ZNF81: variants seen among roughly 807,000 people sequenced by gnomAD.
ZNF81 encodes the protein zinc finger protein 81 (HFZ20).
In ZNF81, 5 loss-of-function variants were observed where a neutral mutation model predicts 32.3. The observed-to-expected ratio is 0.15, with a 90% confidence interval of 0.08 to 0.33. The LOEUF (loss-of-function observed/expected upper bound fraction) is 0.33. Ranked by LOEUF, ZNF81 falls within the 10% of genes least tolerant of loss-of-function variation. The pLI, the probability that ZNF81 is intolerant of heterozygous loss-of-function variation, is 1.00. For synonymous variants in ZNF81, 163 were observed against 166.8 expected (o/e 0.98, Z 0.17); for missense variants, 379 against 479.8 (o/e 0.79, Z 1.96).
chrX:47,853,181 CT>C (rs781961305), intron 2 of ZNF81, among the ~76,000 whole-genome samples: 2,561 of 101,355 alleles, frequency 0.025, 35 homozygotes, highest in Middle Eastern at 0.051. Flanking sequence ...TTCCATAATT[CT>C]TTTTTTTTTT....
At chrX:47,913,118 T>A (rs2058744746) in intron 4 of ZNF81, among the ~76,000 whole-genome samples, 1 of 112,449 alleles carries the variant, frequency 8.9e-6, no homozygotes, top group African/African-American at 3.2e-5. Flanking sequence ...ATGACTACAA[T>A]ATTTTTATAG....
intron 1 of ZNF81, chrX:47,841,109 A>C: frequency 1.2e-6 from 1 of 864,790 alleles, no homozygotes; most frequent in Non-Finnish European, 1.7e-6. Context: ...ATCTCCTCGA[A>C]ATGTTTCCCT....
chrX:47,878,375 A>T lies in ZNF81; in HGVS notation c.55-9624A>T, dbSNP rs781891268. On this transcript the variant is annotated intron_variant, in intron 2 of 4. Transcript: ENST00000338637. ...TGAGATGGTGCGGCGCCATGCCAGT[A>T]AGCAAGTCTTCCCATTTACTTTCAG... Among the ~76,000 whole-genome samples, 366 of 112,317 alleles carry T rather than the reference A, an allele frequency of 3.3e-3. 1 individual carries two copies. Among genetic ancestry groups the T allele is most frequent in the Non-Finnish European group, 5.2e-3 (277 of 53,227 alleles).
At chrX:47,890,877 C>G (rs1386532592) in intron 3 of ZNF81, among the ~76,000 whole-genome samples, 1 of 111,728 alleles carries the variant, frequency 9.0e-6, no homozygotes, top group Non-Finnish European at 1.9e-5. Flanking sequence ...CCACTGGACC[C>G]CTAGAAATTT....
intron 2 of ZNF81, among the ~76,000 whole-genome samples, chrX:47,874,945 C>T (rs962006714): frequency 1.8e-5 from 2 of 111,567 alleles, no homozygotes; most frequent in Non-Finnish European, 3.8e-5. Context: ...TCAGGGCACA[C>T]AAACCTCACA....
intron 4 of ZNF81, among the ~76,000 whole-genome samples, chrX:47,905,211 A>G (rs2058716450): frequency 1.1e-5 from 1 of 94,197 alleles, no homozygotes; most frequent in African/African-American, 3.8e-5. Flanking sequence ...CTTAAAGTAT[A>G]ATAATAATAA....
At chrX:47,859,912 A>C (rs781987256) in intron 2 of ZNF81, among the ~76,000 whole-genome samples, 9 of 110,992 alleles carry the variant, frequency 8.1e-5, no homozygotes, top group Non-Finnish European at 1.3e-4. Context: ...GGAGGGAGAC[A>C]CAATATATAT....
chrX:47,883,470 C>G lies in ZNF81; in HGVS notation c.55-4529C>G, dbSNP rs1440034804. Among the ~76,000 whole-genome samples the G allele has an allele frequency of 2.7e-5, 3 of 112,226 alleles. No homozygotes were observed. In the Admixed American group the frequency reaches 2.8e-4, roughly 11 times the overall value. On this transcript the variant is annotated intron_variant, in intron 2 of 4. Coordinates refer to ENST00000338637, the MANE Select transcript of ZNF81 (RefSeq NM_007137.5). Reference sequence around the variant, plus strand: ...TTTCTACTATGTCAAGAAATCCATGCTTACGTCAAGGTTGCAAAGATAACC... The same window carrying G: ...TTTCTACTATGTCAAGAAATCCATGGTTACGTCAAGGTTGCAAAGATAACC...
intron 4 of ZNF81, among the ~76,000 whole-genome samples, chrX:47,905,945 A>AAT (rs781925437): frequency 1.6e-3 from 171 of 109,932 alleles, no homozygotes; most frequent in Non-Finnish European, 2.7e-3. Flanking sequence ...TCTCTGATTA[A>AAT]ATATATATAG....
chrX:47,863,868 G>A (rs782710735), intron 2 of ZNF81, among the ~76,000 whole-genome samples: 14 of 111,781 alleles, frequency 1.3e-4, no homozygotes, highest in African/African-American at 3.6e-4. Context: ...TTCTAATTGC[G>A]TAATTCCTTG....
intron 2 of ZNF81, among the ~76,000 whole-genome samples, chrX:47,859,032 C>T (rs1556882219): frequency 9.3e-6 from 1 of 107,301 alleles, no homozygotes; most frequent in African/African-American, 3.4e-5. Flanking sequence ...GCAGAAGTTG[C>T]GGTGAGGCAA....
chrX:47,856,866 A>ACAGAGGTTGG (rs1252399255), intron 2 of ZNF81, among the ~76,000 whole-genome samples: 1 of 111,603 alleles, frequency 9.0e-6, no homozygotes, highest in African/African-American at 3.3e-5. Context: ...AACCTGGGAG[A>ACAGAGGTTGG]CAGAGGTTGG....
intron 2 of ZNF81, among the ~76,000 whole-genome samples, chrX:47,854,075 A>G (rs1556881573): frequency 8.9e-6 from 1 of 112,730 alleles, no homozygotes; most frequent in Non-Finnish European, 1.9e-5. Context: ...CTTCTGGATA[A>G]CTTGCTGCAT....
intron 4 of ZNF81, among the ~76,000 whole-genome samples, chrX:47,908,573 G>A (rs1771000833): frequency 8.9e-6 from 1 of 111,826 alleles, no homozygotes; most frequent in Non-Finnish European, 1.9e-5. Context: ...TTCACTAAAA[G>A]AAATGTACAA....
chrX:47,865,726 C>T (rs1284787966), intron 2 of ZNF81, among the ~76,000 whole-genome samples: 4 of 111,715 alleles, frequency 3.6e-5, no homozygotes, highest in South Asian at 3.8e-4. Context: ...CCAGAATGGT[C>T]TCTTTTGGGG....
At position 47,915,032 on chromosome X, in the gene ZNF81, TAGA is replaced by T. The variant is rs1556890397; in HGVS notation, c.391_393del (p.Glu131del). 1 of 1,208,518 alleles carries T rather than the reference TAGA, an allele frequency of 8.3e-7. No individual in the cohort carries two copies. Among genetic ancestry groups the T allele is most frequent in the South Asian group, 1.8e-5 (1 of 56,149 alleles). On this transcript the variant is annotated inframe_deletion, in exon 5 of 5. Coordinates refer to ENST00000338637, the MANE Select transcript of ZNF81 (RefSeq NM_007137.5). The stretch of plus-strand genomic sequence containing the variant: ...AGAGATGATTCATTATACTCTATTT[TAGA>T]AGAATTGTGGCAAGATGCTGAACAG...
In ZNF81 at chrX:47,915,474, T is replaced by G. The variant is rs202107980; in HGVS notation, c.828T>G (p.Cys276Trp). ...CCATTGGAGAGAAAGCAAACACATG[T>G]ACTGAATTTGGGAAGATCTTCACCC... ...KFPIGEKANT[C>W]TEFGKIFTQR... Residue 276 changes from cysteine to tryptophan, a missense_variant, in exon 5 of 5, where the codon TGT (cysteine) becomes TGG (tryptophan). Coordinates refer to ENST00000338637, the MANE Select transcript of ZNF81 (RefSeq NM_007137.5). 3.0e-4 allele frequency: 366 copies of G among 1,209,954 alleles called. 2 individuals are homozygous for G. Among genetic ancestry groups the G allele is most frequent in the Middle Eastern group, 6.9e-4 (3 of 4,354 alleles).
In ZNF81 at chrX:47,841,106, C is replaced by T; in HGVS notation, c.-164+4119C>T. On this transcript the variant is annotated intron_variant, in intron 1 of 4. Transcript: ENST00000338637. ...GGGCTCAAGAACCATGAGATCTCCT[C>T]GAAATGTTTCCCTGGGAAGGCAATT... 11 of 863,108 alleles carry T rather than the reference C, an allele frequency of 1.3e-5. No homozygotes were observed. In the South Asian group the frequency reaches 1.4e-4, roughly 11 times the overall value. The allele number at this position is 863,108 out of a possible 1,213,427, so 71.1% of individuals were successfully genotyped here.
chrX:47,845,463 T>G (rs1361536151), intron 1 of ZNF81, among the ~76,000 whole-genome samples: 1 of 112,246 alleles, frequency 8.9e-6, no homozygotes, highest in Non-Finnish European at 1.9e-5. Context: ...TCAAGAAATT[T>G]TACTTAACTT....
Sources: gnomAD v4.1 joint callset for allele counts (sites outside exome capture counted in the v4.1 genomes callset) on GRCh38, gnomAD v4.1.1 for gene constraint, MANE v1.5 for transcripts, NCBI Gene and HGNC (gene_info 2026-07-23, HGNC 2026-07-21) for gene names.